The following WWOX variants were observed in gnomAD, a reference collection of about 807,000 sequenced individuals.
WWOX encodes the protein WW domain-containing oxidoreductase.
WWOX carries 69 observed loss-of-function variants against 46.2 expected under a neutral mutation model. The observed-to-expected ratio is 1.49, with a 90% confidence interval of 1.23 to 1.82. WWOX has a LOEUF of 1.82. WWOX is among the 40% of genes most tolerant of loss of function. The pLI is 0.00. For missense variants in WWOX, 919 were observed against 542.6 expected (o/e 1.69, Z -6.89); for synonymous variants, 359 against 202.6 (o/e 1.77, Z -6.56).
chr16:79,023,529 C>G (rs1331527945), intron 8 of WWOX, among the ~76,000 whole-genome samples: 1 of 152,142 alleles, frequency 6.6e-6, no homozygotes, highest in African/African-American at 2.4e-5. Context: ...GTGGGGCGTC[C>G]TTTAAGGTCT....
chr16:78,470,161 A>G (rs561332962), intron 8 of WWOX, among the ~76,000 whole-genome samples: 1 of 152,336 alleles, frequency 6.6e-6, no homozygotes, highest in East Asian at 1.9e-4. Context: ...TGTGGCTTCC[A>G]GCACTGCCCT....
At chr16:78,539,608 C>G (rs989860815) in intron 8 of WWOX, among the ~76,000 whole-genome samples, 1 of 152,206 alleles carries the variant, frequency 6.6e-6, no homozygotes. Flanking sequence ...TTTCCCGATT[C>G]TCTTCCACGT....
At chr16:78,169,311 T>C (rs563007198) in intron 5 of WWOX, among the ~76,000 whole-genome samples, 6 of 152,204 alleles carry the variant, frequency 3.9e-5, no homozygotes, top group Non-Finnish European at 8.8e-5. Flanking sequence ...TAGGAATCCA[T>C]GTGAGTTCTC....
At chr16:78,748,267 C>A (rs374774464) in intron 8 of WWOX, among the ~76,000 whole-genome samples, 12 of 152,198 alleles carry the variant, frequency 7.9e-5, no homozygotes, top group East Asian at 7.7e-4. Flanking sequence ...ACAGATAGCT[C>A]ACCACAAATA....
At chr16:78,954,462 A>C (rs1246712200) in intron 8 of WWOX, among the ~76,000 whole-genome samples, 1 of 152,160 alleles carries the variant, frequency 6.6e-6, no homozygotes, top group Non-Finnish European at 1.5e-5. Context: ...TGAATGGTGA[A>C]ACTTTTATAT....
intron 4 of WWOX, among the ~76,000 whole-genome samples, chr16:78,145,475 G>A (rs1201911492): frequency 6.6e-6 from 1 of 152,152 alleles, no homozygotes; most frequent in Non-Finnish European, 1.5e-5. Context: ...ATGGGAGAAA[G>A]ATAAAGGCCG....
chr16:78,572,416 G>A (rs546925531), intron 8 of WWOX, among the ~76,000 whole-genome samples: 2 of 152,122 alleles, frequency 1.3e-5, no homozygotes, highest in African/African-American at 4.8e-5. Flanking sequence ...GCAACATACT[G>A]AGACCCCATC....
intron 6 of WWOX, among the ~76,000 whole-genome samples, chr16:78,400,491 G>T (rs905154389): frequency 3.3e-5 from 5 of 152,126 alleles, no homozygotes; most frequent in African/African-American, 4.8e-5. Flanking sequence ...ATTGTGGATC[G>T]ATGGATGGAT....
chr16:78,671,300 C>T, intron 8 of WWOX, among the ~76,000 whole-genome samples: 1 of 152,146 alleles, frequency 6.6e-6, no homozygotes, highest in South Asian at 2.1e-4. Context: ...TGGGGCATGC[C>T]TGTAGTCCCA....
At chr16:78,666,194 G>C (rs1325977501) in intron 8 of WWOX, among the ~76,000 whole-genome samples, 2 of 152,118 alleles carry the variant, frequency 1.3e-5, no homozygotes, top group African/African-American at 4.8e-5. Context: ...GGCTAAGGCA[G>C]GGGGATTGTT....
chr16:79,018,029 T>A (rs1043711135), intron 8 of WWOX, among the ~76,000 whole-genome samples: 3 of 152,258 alleles, frequency 2.0e-5, no homozygotes, highest in Non-Finnish European at 4.4e-5. Flanking sequence ...GCTTGGAGTT[T>A]CCTGGTAGTC....
chr16:78,411,747 A>G (rs1055890743), intron 6 of WWOX, among the ~76,000 whole-genome samples: 1 of 152,220 alleles, frequency 6.6e-6, no homozygotes, highest in African/African-American at 2.4e-5. Flanking sequence ...GGTGTGGGCT[A>G]TTGCAGTGAC....
chr16:79,062,805 C>A (rs16944165), intron 8 of WWOX, among the ~76,000 whole-genome samples: 14,662 of 152,094 alleles, frequency 0.096, 1,154 homozygotes, highest in African/African-American at 0.21. Flanking sequence ...TCTAACAGCC[C>A]CTTGAACAGT....
intron 8 of WWOX, among the ~76,000 whole-genome samples, chr16:78,699,965 A>C (rs1311538175): frequency 6.6e-6 from 1 of 151,750 alleles, no homozygotes; most frequent in Non-Finnish European, 1.5e-5. Context: ...TAACTGGGGC[A>C]CTCTTGGTCT....
rs148730204 is a variant in WWOX, at chr16:78,243,670, C to T, written c.516+79381C>T. On this transcript the variant is annotated intron_variant, in intron 5 of 8. Transcript: ENST00000566780. ...CAAGCGATTCTTGTGCCTCAGCCTC[C>T]GGAGTAGCTGGGACTACAGGTGTGC... is the stretch of plus-strand genomic sequence containing the variant. Among the ~76,000 whole-genome samples, 255 of 152,248 alleles carry T rather than the reference C, an allele frequency of 1.7e-3. 1 individual carries two copies. The highest frequency in any genetic ancestry group is 3.7e-3 in the East Asian group (19 of 5,166).
chr16:78,720,773 C>G (rs1348093408), intron 8 of WWOX, among the ~76,000 whole-genome samples: 1 of 152,082 alleles, frequency 6.6e-6, no homozygotes, highest in Non-Finnish European at 1.5e-5. Flanking sequence ...TATTCTCAAA[C>G]TCTATTATAC....
chr16:78,176,045 C>A (rs966558513), intron 5 of WWOX, among the ~76,000 whole-genome samples: 12 of 152,290 alleles, frequency 7.9e-5, no homozygotes, highest in African/African-American at 2.9e-4. Context: ...AAGTTCCTCT[C>A]TCCCCATGCT....
chr16:78,412,799 G>T (rs28707667), intron 6 of WWOX, among the ~76,000 whole-genome samples: 1 of 152,040 alleles, frequency 6.6e-6, no homozygotes, highest in South Asian at 2.1e-4. Context: ...ATGAGAAGTA[G>T]ATTTGGGTCA....
intron 8 of WWOX, among the ~76,000 whole-genome samples, chr16:78,789,664 A>G (rs1483707907): frequency 6.6e-6 from 1 of 152,152 alleles, no homozygotes; most frequent in African/African-American, 2.4e-5. Flanking sequence ...TTTAAGATCA[A>G]TATAATTTAA....
Sources: gnomAD v4.1 joint callset for allele counts (sites outside exome capture counted in the v4.1 genomes callset) on GRCh38, gnomAD v4.1.1 for gene constraint, MANE v1.5 for transcripts, NCBI Gene and HGNC (gene_info 2026-07-23, HGNC 2026-07-21) for gene names.